Variants in WDR1 observed in about 807,000 individuals in gnomAD.
The protein encoded by WDR1 is WD repeat-containing protein 1.
WDR1 carries 21 observed loss-of-function variants against 71.9 expected under a neutral mutation model. The observed-to-expected ratio is 0.29, with a 90% CI of 0.21 to 0.42. WDR1 has a LOEUF of 0.42. WDR1 is among the 10% of genes least tolerant of loss of function. The pLI is 1.00. For missense variants in WDR1, 696 were observed against 824.5 expected, an observed-to-expected ratio of 0.84 and a Z score of 1.91; for synonymous variants, 424 against 347.4, an observed-to-expected ratio of 1.22 and a Z score of -2.45.
chr4:10,084,690 G>A (rs756728480), intron 8 of WDR1, among the ~76,000 whole-genome samples, 160 bp from the exon 9 acceptor site: 1 of 152,110 alleles, frequency 6.6e-6, no homozygotes, highest in Non-Finnish European at 1.5e-5. Flanking sequence ...CCAGCTGCCC[G>A]AATGCACGGC....
chr4:10,084,865 C>G (rs1384700660), intron 8 of WDR1, among the ~76,000 whole-genome samples: 1 of 152,230 alleles, frequency 6.6e-6, no homozygotes, highest in African/African-American at 2.4e-5. Context: ...GACACGTGGC[C>G]TGCACCCCGC....
intron 8 of WDR1, among the ~76,000 whole-genome samples, chr4:10,087,368 T>C (rs551111334): frequency 6.6e-6 from 1 of 152,238 alleles, no homozygotes; most frequent in Admixed American, 6.5e-5. Flanking sequence ...AAGCACAGGC[T>C]GTGCACTCCC....
intron 2 of WDR1, among the ~76,000 whole-genome samples, chr4:10,113,594 G>A (rs928509935): frequency 1.1e-4 from 16 of 152,202 alleles, no homozygotes; most frequent in Admixed American, 3.9e-4. Flanking sequence ...CGAGTGTTGT[G>A]AACAGACCCC....
In WDR1 at chr4:10,099,158, G is replaced by T; in HGVS notation, c.230-19C>A. Reference sequence around the variant, plus strand: ...GACACATCTGTGGGGCACAGCGGGCGGGGGAGGGGGGGAGGCGGTGGTGGG... The same window carrying T: ...GACACATCTGTGGGGCACAGCGGGCTGGGGAGGGGGGGAGGCGGTGGTGGG... On this transcript the variant is annotated intron_variant, in intron 3 of 14. Transcript: ENST00000499869. 2 of 1,417,444 alleles carry T rather than the reference G, an allele frequency of 1.4e-6. No homozygotes were observed. Among genetic ancestry groups the T allele is most frequent in the East Asian group, 2.3e-5 (1 of 42,746 alleles). The allele number at this position is 1,417,444 out of a possible 1,614,324, so 87.8% of individuals were successfully genotyped here. A position where few individuals can be genotyped will look rare whatever the true frequency, so the allele number is the denominator to read the frequency against.
At chr4:10,082,185 G>A (rs1470107150) in intron 10 of WDR1, among the ~76,000 whole-genome samples, 1 of 152,168 alleles carries the variant, frequency 6.6e-6, no homozygotes. Context: ...TCATCGGGAG[G>A]CCCAATTTAC....
At chr4:10,084,068 G>A (rs567536670) in intron 9 of WDR1, among the ~76,000 whole-genome samples, 28 of 152,310 alleles carry the variant, frequency 1.8e-4, no homozygotes, top group African/African-American at 6.0e-4. Context: ...TGAATTCTAG[G>A]AATCAAGAAA....
At chr4:10,083,283 C>T in intron 9 of WDR1, 105 bp from the exon 10 acceptor site, 6 of 1,387,196 alleles carry the variant, frequency 4.3e-6, no homozygotes, top group Non-Finnish European at 5.8e-6. Context: ...GAGAATCTCG[C>T]CGCAAACGGA....
intron 9 of WDR1, 83 bp downstream of exon 9, chr4:10,084,360 G>T: frequency 7.6e-7 from 1 of 1,322,920 alleles, no homozygotes; most frequent in Non-Finnish European, 1.1e-6. Context: ...CACCTGGCTG[G>T]CCTGGCCTCT....
chr4:10,086,747 C>T (rs755395497), intron 8 of WDR1, among the ~76,000 whole-genome samples: 12 of 152,130 alleles, frequency 7.9e-5, no homozygotes, highest in Non-Finnish European at 1.2e-4. Flanking sequence ...AGCAGGAGCC[C>T]GAGAAGGGCT....
At chr4:10,110,863 A>G (rs925672931) in intron 2 of WDR1, among the ~76,000 whole-genome samples, 26 of 152,204 alleles carry the variant, frequency 1.7e-4, no homozygotes, top group African/African-American at 5.6e-4. Flanking sequence ...AATGTCTGCA[A>G]ACGTTGCCAG....
chr4:10,115,165 GAA>G, intron 2 of WDR1, among the ~76,000 whole-genome samples: 1 of 152,314 alleles, frequency 6.6e-6, no homozygotes, highest in South Asian at 2.1e-4. Context: ...CAGCACAGGA[GAA>G]ATCACCCAAT....
At chr4:10,078,134 G>C (rs1560526825) in intron 12 of WDR1, among the ~76,000 whole-genome samples, 1 of 152,204 alleles carries the variant, frequency 6.6e-6, no homozygotes, top group Non-Finnish European at 1.5e-5. Flanking sequence ...TGGTACCTCG[G>C]GGCACCGCTG....
chr4:10,107,738 T>G (rs1266381973), intron 2 of WDR1, among the ~76,000 whole-genome samples: 1 of 150,796 alleles, frequency 6.6e-6, no homozygotes, highest in African/African-American at 2.4e-5. Context: ...CCTGGAGGAG[T>G]CCGGGGGCCT....
At chr4:10,114,574 AATATC>A (rs1456084404) in intron 2 of WDR1, among the ~76,000 whole-genome samples, 5 of 152,220 alleles carry the variant, frequency 3.3e-5, no homozygotes, top group Non-Finnish European at 7.3e-5. Context: ...GGCAAAACGA[AATATC>A]CTACTGCTCT....
intron 2 of WDR1, among the ~76,000 whole-genome samples, chr4:10,114,050 T>C (rs568715434): frequency 3.3e-5 from 5 of 152,248 alleles, no homozygotes; most frequent in South Asian, 2.1e-4. Context: ...CACTTTTTTT[T>C]CCAAGAGTAC....
At chr4:10,106,786 G>A (rs1174752336) in intron 2 of WDR1, among the ~76,000 whole-genome samples, 3 of 152,164 alleles carry the variant, frequency 2.0e-5, no homozygotes, top group Non-Finnish European at 2.9e-5. Flanking sequence ...ACTCCAAACT[G>A]CAGATAATGA....
intron 14 of WDR1, 26 bp downstream of exon 14, chr4:10,077,278 T>C (rs755056962): frequency 6.2e-7 from 1 of 1,613,080 alleles, no homozygotes; most frequent in East Asian, 2.2e-5. Flanking sequence ...GGGTGGTCCC[T>C]GCCAAGGCCT....
intron 3 of WDR1, 32 bp from the exon 4 acceptor site, chr4:10,099,171 A>AAGGGGGGGGGGGGGG: frequency 9.1e-6 from 1 of 109,758 alleles, no homozygotes; most frequent in Non-Finnish European, 1.7e-5. Context: ...GGAGGGGGGG[A>AAGGGGGGGGGGGGGG]GGCGGTGGTG....
intron 3 of WDR1, among the ~76,000 whole-genome samples, chr4:10,099,628 G>A (rs1191047579): frequency 6.6e-6 from 1 of 152,270 alleles, no homozygotes; most frequent in Non-Finnish European, 1.5e-5. Context: ...TGGAAACGAG[G>A]TGCACAGCTG....
Sources: gnomAD v4.1 joint callset for allele counts (sites outside exome capture counted in the v4.1 genomes callset) on GRCh38, gnomAD v4.1.1 for gene constraint, MANE v1.5 for transcripts, NCBI Gene and HGNC (gene_info 2026-07-23, HGNC 2026-07-21) for gene names.